The following MIPOL1 variants were observed in gnomAD, a reference collection of about 807,000 sequenced individuals.
MIPOL1 encodes mirror-image polydactyly gene 1 protein.
MIPOL1 carries 57 observed loss-of-function variants against 60.9 expected under a neutral mutation model. The ratio of observed to expected loss-of-function variants is 0.94; its 90% CI spans 0.76 to 1.17. The LOEUF is 1.17. MIPOL1 is among the 50% of genes most tolerant of loss of function. MIPOL1 has a pLI of 0.00. For missense variants in MIPOL1, 551 were observed against 511.6 expected (o/e 1.08, Z -0.74); for synonymous variants, 179 against 168.8 (o/e 1.06, Z -0.47).
At chr14:37,375,355 G>A (rs1265756172) in intron 10 of MIPOL1, among the ~76,000 whole-genome samples, 1 of 152,002 alleles carries the variant, frequency 6.6e-6, no homozygotes, top group Non-Finnish European at 1.5e-5. Flanking sequence ...AGCACGGCAT[G>A]TGCCACCATG....
At chr14:37,440,377 T>A (rs994825119) in intron 11 of MIPOL1, among the ~76,000 whole-genome samples, 2 of 152,192 alleles carry the variant, frequency 1.3e-5, no homozygotes, top group African/African-American at 4.8e-5. Flanking sequence ...ATCACCTGAA[T>A]AATGTACATT....
intron 1 of MIPOL1, among the ~76,000 whole-genome samples, chr14:37,231,854 A>G (rs1970685101): frequency 6.6e-6 from 1 of 151,680 alleles, no homozygotes; most frequent in Non-Finnish European, 1.5e-5. Flanking sequence ...CTGAGGTGGG[A>G]GCCTCGTTTG....
intron 9 of MIPOL1, among the ~76,000 whole-genome samples, chr14:37,330,948 T>C (rs546957099): frequency 7.9e-5 from 12 of 152,228 alleles, no homozygotes; most frequent in Admixed American, 3.9e-4. Context: ...CTGGCATATA[T>C]TGAATATTTA....
intron 9 of MIPOL1, among the ~76,000 whole-genome samples, chr14:37,318,290 A>C (rs2088154427): frequency 6.6e-6 from 1 of 152,212 alleles, no homozygotes; most frequent in Non-Finnish European, 1.5e-5. Context: ...AGTGTCTAGC[A>C]TGTAATAGAT....
At chr14:37,532,949 A>G (rs1413162385) in intron 12 of MIPOL1, among the ~76,000 whole-genome samples, 1 of 152,106 alleles carries the variant, frequency 6.6e-6, no homozygotes. Context: ...TTCCTTGTCT[A>G]TAAAATACAA....
chr14:37,249,032 G>A (rs770335036), intron 3 of MIPOL1, among the ~76,000 whole-genome samples: 24 of 151,936 alleles, frequency 1.6e-4, no homozygotes, highest in South Asian at 1.2e-3. Flanking sequence ...ATGGATGGAC[G>A]GACAGTCAGA....
chr14:37,263,164 T>C (rs1238162741), intron 3 of MIPOL1, among the ~76,000 whole-genome samples: 1 of 152,166 alleles, frequency 6.6e-6, no homozygotes. Flanking sequence ...CTGTTAACTT[T>C]CCAGACTAAG....
intron 2 of MIPOL1, 88 bp from the exon 3 acceptor site, chr14:37,247,741 G>T: frequency 1.5e-6 from 1 of 656,590 alleles, no homozygotes; most frequent in Non-Finnish European, 2.5e-6. Context: ...CATTTATCCT[G>T]TAAATTCTCT....
At chr14:37,514,929 G>T (rs1050155940) in intron 12 of MIPOL1, among the ~76,000 whole-genome samples, 1 of 152,112 alleles carries the variant, frequency 6.6e-6, no homozygotes, top group South Asian at 2.1e-4. Context: ...ATATAATTGG[G>T]AGAAACTCAA....
At chr14:37,446,919 T>A (rs564218227) in intron 11 of MIPOL1, among the ~76,000 whole-genome samples, 1 of 149,656 alleles carries the variant, frequency 6.7e-6, no homozygotes, top group Admixed American at 6.7e-5. Context: ...CTCTGGGGAC[T>A]GTTGTGGGGT....
At chr14:37,490,408 C>T (rs183633583) in intron 11 of MIPOL1, among the ~76,000 whole-genome samples, 86 of 152,272 alleles carry the variant, frequency 5.6e-4, no homozygotes, top group African/African-American at 2.0e-3. Flanking sequence ...TGTGACCTGC[C>T]AGCCAGACCA....
At chr14:37,221,262 G>A (rs559204363) in intron 1 of MIPOL1, among the ~76,000 whole-genome samples, 1 of 152,272 alleles carries the variant, frequency 6.6e-6, no homozygotes, top group Admixed American at 6.5e-5. Flanking sequence ...CTGGCATCTG[G>A]CAAGGGCCTT....
At chr14:37,401,010 T>C (rs1265616874) in intron 10 of MIPOL1, 4 of 152,074 alleles carry the variant, frequency 2.6e-5, no homozygotes, top group African/African-American at 9.7e-5. Flanking sequence ...AGACTTCTTA[T>C]AGAGAACCAA....
intron 7 of MIPOL1, among the ~76,000 whole-genome samples, chr14:37,291,468 AACTT>A (rs1235822770): frequency 6.6e-6 from 1 of 151,268 alleles, no homozygotes; most frequent in Non-Finnish European, 1.5e-5. Flanking sequence ...TTTGATTCTC[AACTT>A]ACTTCCTTAA....
chr14:37,496,935 T>A (rs557660711), intron 11 of MIPOL1, among the ~76,000 whole-genome samples: 4,484 of 151,810 alleles, frequency 0.03, 218 homozygotes, highest in African/African-American at 0.1. Flanking sequence ...AACAGCATGG[T>A]ACTGGTACCA....
At chr14:37,495,465 CT>C (rs1174893207) in intron 11 of MIPOL1, among the ~76,000 whole-genome samples, 1 of 150,174 alleles carries the variant, frequency 6.7e-6, no homozygotes, top group East Asian at 2.0e-4. Context: ...TGAACTCATC[CT>C]TTTTTATGGC....
intron 12 of MIPOL1, among the ~76,000 whole-genome samples, chr14:37,523,967 C>T (rs2095430311): frequency 6.6e-6 from 1 of 152,042 alleles, no homozygotes; most frequent in Middle Eastern, 3.2e-3. Context: ...AATAACTTGG[C>T]TTGTTGGAGA....
intron 11 of MIPOL1, among the ~76,000 whole-genome samples, chr14:37,489,660 A>G (rs571011609): frequency 7.2e-5 from 11 of 152,106 alleles, no homozygotes; most frequent in Non-Finnish European, 1.5e-4. Flanking sequence ...GTTGATGTTG[A>G]TGCTATCCCT....
Position 37,532,947 on chromosome 14 carries a change from C to G in MIPOL1, c.1263-13958C>G, listed in dbSNP as rs112798577. ...TTTCTCTGCATTCAGAATTCCTTGTCTATAAAATACAAAAAAAGTGTATAT... is the reference window on the plus strand; with the variant it reads ...TTTCTCTGCATTCAGAATTCCTTGTGTATAAAATACAAAAAAAGTGTATAT... On this transcript the variant is annotated intron_variant, in intron 12 of 12. Coordinates refer to ENST00000684589, the MANE Select transcript of MIPOL1 (RefSeq NM_001388067.1). 3.7e-3 allele frequency among the ~76,000 whole-genome samples: 566 copies of G among 151,932 alleles called. 6 individuals are homozygous for G. The highest frequency in any genetic ancestry group is 0.012 in the African/African-American group (500 of 41,430).
Sources: gnomAD v4.1 joint callset for allele counts (sites outside exome capture counted in the v4.1 genomes callset) on GRCh38, gnomAD v4.1.1 for gene constraint, MANE v1.5 for transcripts, NCBI Gene and HGNC (gene_info 2026-07-23, HGNC 2026-07-21) for gene names.